RAB2A: variants seen among roughly 807,000 people sequenced by gnomAD.
RAB2A encodes the protein RAB2A, member RAS oncogene family.
A neutral mutation model predicts 32.5 loss-of-function variants in RAB2A; 7 were observed. That is an observed-to-expected ratio of 0.22 (90% CI 0.12 to 0.40). RAB2A has a LOEUF of 0.40. RAB2A is among the 10% of genes least tolerant of loss of function. RAB2A has a pLI of 1.00. For synonymous variants in RAB2A, 79 were observed against 85.2 expected, an observed-to-expected ratio of 0.93 and a Z score of 0.40; for missense variants, 108 against 260.7, an observed-to-expected ratio of 0.41 and a Z score of 4.03.
intron 1 of RAB2A, among the ~76,000 whole-genome samples, chr8:60,527,642 G>C (rs1807413340): frequency 6.6e-6 from 1 of 152,168 alleles, no homozygotes; most frequent in Non-Finnish European, 1.5e-5. Flanking sequence ...ATGATATGAG[G>C]TGGTGTAGAC....
Position 60,577,725 on chromosome 8 carries a change from G to A in RAB2A, c.186+5612G>A, listed in dbSNP as rs115153277. ...TGCAAGCTTCGCCTGCCGGGTTCAC[G>A]CCACTTTCTCCTGCCTCAACCTCCT... On this transcript the variant is annotated intron_variant, in intron 3 of 7. Transcript: ENST00000262646. Among the ~76,000 whole-genome samples the A allele has an allele frequency of 5.0e-3, 748 of 150,820 alleles. 7 individuals are homozygous for A. Among genetic ancestry groups the A allele is most frequent in the African/African-American group, 0.017 (686 of 41,072 alleles).
chr8:60,550,324 C>G (rs1485111707), intron 1 of RAB2A, among the ~76,000 whole-genome samples: 1 of 152,182 alleles, frequency 6.6e-6, no homozygotes, highest in Non-Finnish European at 1.5e-5. Flanking sequence ...ATGCAACCAC[C>G]CTGGTCCAAG....
At chr8:60,574,345 T>A (rs965799179) in intron 3 of RAB2A, among the ~76,000 whole-genome samples, 1 of 152,248 alleles carries the variant, frequency 6.6e-6, no homozygotes, top group African/African-American at 2.4e-5. Context: ...TGCAGCTTTG[T>A]ATCCTGCATT....
At chr8:60,604,769 A>G (rs183224125) in intron 6 of RAB2A, among the ~76,000 whole-genome samples, 211 of 152,322 alleles carry the variant, frequency 1.4e-3, no homozygotes, top group African/African-American at 4.5e-3. Flanking sequence ...CTAATAGCCT[A>G]TCTCATATGT....
At chr8:60,560,621 G>A (rs1048430747) in intron 2 of RAB2A, among the ~76,000 whole-genome samples, 1 of 152,192 alleles carries the variant, frequency 6.6e-6, no homozygotes, top group Non-Finnish European at 1.5e-5. Context: ...GCTGTCAGAA[G>A]TTGACTTAAG....
chr8:60,610,821 C>G (rs945673889), intron 6 of RAB2A, among the ~76,000 whole-genome samples: 1 of 152,206 alleles, frequency 6.6e-6, no homozygotes, highest in Non-Finnish European at 1.5e-5. Context: ...CTTACACACT[C>G]ACATTTATCT....
At chr8:60,552,932 CTG>C (rs911657982) in intron 1 of RAB2A, 2 of 152,124 alleles carry the variant, frequency 1.3e-5, no homozygotes, top group Non-Finnish European at 2.9e-5. Context: ...CCTAATAGAG[CTG>C]GGGGTCACGT....
chr8:60,565,616 A>G (rs372128008), intron 2 of RAB2A, among the ~76,000 whole-genome samples: 23 of 150,438 alleles, frequency 1.5e-4, no homozygotes, highest in African/African-American at 5.6e-4. Flanking sequence ...AGAAGTTAGA[A>G]TAATAGTTTA....
At chr8:60,548,584 G>A (rs1807783923) in intron 1 of RAB2A, among the ~76,000 whole-genome samples, 1 of 140,606 alleles carries the variant, frequency 7.1e-6, no homozygotes, top group African/African-American at 2.7e-5. Context: ...TCCCAGCAGG[G>A]GCGGCCAGGC....
At chr8:60,547,908 G>A (rs1586074752) in intron 1 of RAB2A, among the ~76,000 whole-genome samples, 1 of 109,796 alleles carries the variant, frequency 9.1e-6, no homozygotes, top group Non-Finnish European at 1.9e-5. Context: ...TCCCGGACGG[G>A]GCGGCTGGCC....
intron 2 of RAB2A, among the ~76,000 whole-genome samples, chr8:60,562,230 C>T (rs1041976124): frequency 2.0e-5 from 3 of 152,150 alleles, no homozygotes; most frequent in Non-Finnish European, 4.4e-5. Context: ...AGGAAAGGAA[C>T]AAGTACTGTA....
At chr8:60,566,780 G>A (rs980006423) in intron 2 of RAB2A, among the ~76,000 whole-genome samples, 2 of 152,126 alleles carry the variant, frequency 1.3e-5, no homozygotes, top group African/African-American at 4.8e-5. Context: ...CTTTTTTGGA[G>A]TTCCCAGTAT....
rs1243595305 is a variant in RAB2A, at chr8:60,591,911, G to A, written c.416G>A (p.Arg139Gln). 6.2e-6 allele frequency: 10 copies of A among 1,612,922 alleles called. No individual in the cohort carries two copies. The Admixed American group carries it at 8.3e-5, about 13-fold the overall frequency. ...AAAGAAGAAGGTGAAGCTTTTGCAC[G>A]AGAACATGGACTCATCTTCATGGAA... Reference protein sequence around the residue: ...VKKEEGEAFAREHGLIFMETS... With the variant: ...VKKEEGEAFAQEHGLIFMETS... The change falls in exon 6 of 8, where the codon CGA becomes CAA. Residue 139 changes from arginine (R) to glutamine (Q), a missense_variant. Coordinates refer to ENST00000262646, the MANE Select transcript of RAB2A (RefSeq NM_002865.3).
At chr8:60,542,796 T>C (rs1368850061) in intron 1 of RAB2A, among the ~76,000 whole-genome samples, 1 of 152,206 alleles carries the variant, frequency 6.6e-6, no homozygotes, top group African/African-American at 2.4e-5. Flanking sequence ...AACTCTCAGC[T>C]TTGTTAGCGT....
At chr8:60,563,022 A>AG (rs1808047908) in intron 2 of RAB2A, among the ~76,000 whole-genome samples, 1 of 151,940 alleles carries the variant, frequency 6.6e-6, no homozygotes, top group Non-Finnish European at 1.5e-5. Context: ...GATAAAAAAA[A>AG]AATAGCAGAT....
At chr8:60,528,962 T>C (rs1269507248) in intron 1 of RAB2A, among the ~76,000 whole-genome samples, 1 of 152,208 alleles carries the variant, frequency 6.6e-6, no homozygotes. Flanking sequence ...AAGAGATTTA[T>C]GATAAGAATT....
intron 2 of RAB2A, among the ~76,000 whole-genome samples, chr8:60,565,417 CAAAAAAA>C (rs34983530): frequency 1.8e-5 from 2 of 111,382 alleles, no homozygotes; most frequent in Admixed American, 1.0e-4. Flanking sequence ...AGACCTGCCT[CAAAAAAA>C]AAAAAAAAAA....
chr8:60,598,316 A>G (rs993469506), intron 6 of RAB2A, among the ~76,000 whole-genome samples: 1 of 152,184 alleles, frequency 6.6e-6, no homozygotes, highest in Non-Finnish European at 1.5e-5. Flanking sequence ...GAATTCTACC[A>G]GACGTTTAAA....
intron 1 of RAB2A, among the ~76,000 whole-genome samples, chr8:60,547,891 A>G (rs1351297213): frequency 2.1e-5 from 2 of 94,578 alleles, no homozygotes; most frequent in Admixed American, 1.1e-4. Context: ...TGACCCCCCT[A>G]CCTCCCTCCC....
Sources: allele counts gnomAD v4.1 joint callset (sites outside exome capture counted in the v4.1 genomes callset), GRCh38; gene constraint gnomAD v4.1.1; transcripts MANE v1.5; gene names NCBI Gene and HGNC (gene_info 2026-07-23, HGNC 2026-07-21).